Variants in OPCML observed in about 807,000 individuals in gnomAD.
The protein encoded by OPCML is opioid binding protein/cell adhesion molecule like.
A neutral mutation model predicts 37.8 loss-of-function variants in OPCML; 13 were observed. That is an observed-to-expected ratio of 0.34 (90% confidence interval 0.22 to 0.55). The LOEUF (loss-of-function observed/expected upper bound fraction) is 0.55, where lower values mean the gene tolerates loss of function less well. Ranked by LOEUF, OPCML falls within the 20% of genes least tolerant of loss-of-function variation. The pLI is 0.91. For synonymous variants in OPCML, 176 were observed against 168.8 expected (o/e 1.04, Z -0.33); for missense variants, 341 against 435.6 (o/e 0.78, Z 1.93).
At chr11:132,791,092 T>G (rs998529712) in intron 2 of OPCML, among the ~76,000 whole-genome samples, 1 of 152,200 alleles carries the variant, frequency 6.6e-6, no homozygotes, top group Non-Finnish European at 1.5e-5. Flanking sequence ...CACTCTCATC[T>G]GTAGGGAGGA....
intron 2 of OPCML, among the ~76,000 whole-genome samples, chr11:132,858,664 T>C (rs1942166817): frequency 6.6e-6 from 1 of 151,896 alleles, no homozygotes; most frequent in African/African-American, 2.4e-5. Context: ...GCATTAGTCT[T>C]TCTGAGTGTC....
chr11:132,854,445 A>C (rs763901884), intron 2 of OPCML, among the ~76,000 whole-genome samples: 1 of 152,116 alleles, frequency 6.6e-6, no homozygotes, highest in Non-Finnish European at 1.5e-5. Context: ...CCCTCCCTCC[A>C]GGTTGGAGGT....
chr11:132,833,813 A>T (rs1451562813), intron 2 of OPCML, among the ~76,000 whole-genome samples: 2 of 152,226 alleles, frequency 1.3e-5, no homozygotes, highest in African/African-American at 4.8e-5. Context: ...TGACTGAAAC[A>T]TCGTTACGCA....
intron 1 of OPCML, among the ~76,000 whole-genome samples, chr11:133,042,679 G>A (rs1295083338): frequency 1.3e-5 from 2 of 152,150 alleles, no homozygotes; most frequent in Non-Finnish European, 2.9e-5. Context: ...GGCTAGCTCT[G>A]CAGTTACGTT....
At chr11:132,633,503 C>G (rs951661875) in intron 3 of OPCML, among the ~76,000 whole-genome samples, 4 of 152,156 alleles carry the variant, frequency 2.6e-5, no homozygotes, top group African/African-American at 9.7e-5. Flanking sequence ...GCATCCCAAT[C>G]CTGAGCCTCA....
chr11:132,713,200 G>A (rs1260387823), intron 2 of OPCML, among the ~76,000 whole-genome samples: 1 of 152,124 alleles, frequency 6.6e-6, no homozygotes. Flanking sequence ...ATAATGACAC[G>A]ACGCTTCGTA....
intron 1 of OPCML, among the ~76,000 whole-genome samples, chr11:133,070,282 TC>T (rs1295316726): frequency 6.6e-6 from 1 of 152,154 alleles, no homozygotes; most frequent in Non-Finnish European, 1.5e-5. Flanking sequence ...GCAAAGGCTG[TC>T]GTGTCTTTCA....
At chr11:133,451,338 T>C (rs1946576595) in intron 1 of OPCML, among the ~76,000 whole-genome samples, 1 of 151,740 alleles carries the variant, frequency 6.6e-6, no homozygotes. Flanking sequence ...GGGATGATGC[T>C]GGGTAAGTTT....
At chr11:133,035,705 G>A (rs1947766424) in intron 1 of OPCML, among the ~76,000 whole-genome samples, 1 of 152,104 alleles carries the variant, frequency 6.6e-6, no homozygotes, top group Admixed American at 6.5e-5. Context: ...TTTGGAGATG[G>A]ACCTTTAAAG....
At chr11:132,619,174 C>T (rs976489915) in intron 3 of OPCML, among the ~76,000 whole-genome samples, 27 of 152,256 alleles carry the variant, frequency 1.8e-4, no homozygotes, top group Non-Finnish European at 3.2e-4. Context: ...CAGAGCTTCA[C>T]GTTCCTCAAG....
intron 2 of OPCML, among the ~76,000 whole-genome samples, chr11:132,665,969 C>A (rs745876600): frequency 2.0e-5 from 3 of 152,088 alleles, no homozygotes; most frequent in Non-Finnish European, 2.9e-5. Flanking sequence ...TTAGTAAGCA[C>A]CTGCTAAGGA....
chr11:133,514,321 C>T (rs1948218014), intron 1 of OPCML, among the ~76,000 whole-genome samples: 1 of 152,208 alleles, frequency 6.6e-6, no homozygotes, highest in Non-Finnish European at 1.5e-5. Flanking sequence ...TTTGGAGACA[C>T]TGACCTCTGG....
At chr11:132,541,016 A>T (rs1167443728) in intron 3 of OPCML, among the ~76,000 whole-genome samples, 1 of 152,122 alleles carries the variant, frequency 6.6e-6, no homozygotes, top group Non-Finnish European at 1.5e-5. Flanking sequence ...TTAGGATCAC[A>T]GGGTTTAATT....
chr11:132,953,856 T>A (rs1945916841), intron 1 of OPCML, among the ~76,000 whole-genome samples: 1 of 152,188 alleles, frequency 6.6e-6, no homozygotes, highest in East Asian at 1.9e-4. Flanking sequence ...AACATTTTTT[T>A]ATTTAAAGAA....
chr11:132,731,015 T>C (rs1289573007), intron 2 of OPCML, among the ~76,000 whole-genome samples: 1 of 152,228 alleles, frequency 6.6e-6, no homozygotes, highest in East Asian at 1.9e-4. Context: ...GCTTCGTTAT[T>C]ATTGTTGTTT....
chr11:132,902,755 C>G (rs1265888634), intron 2 of OPCML, among the ~76,000 whole-genome samples: 1 of 152,072 alleles, frequency 6.6e-6, no homozygotes, highest in Non-Finnish European at 1.5e-5. Flanking sequence ...AAACTTCTTT[C>G]CACAAGAAAA....
At chr11:133,054,629 G>T (rs1436125350) in intron 1 of OPCML, among the ~76,000 whole-genome samples, 1 of 152,186 alleles carries the variant, frequency 6.6e-6, no homozygotes, top group African/African-American at 2.4e-5. Flanking sequence ...AAATCAACAG[G>T]CAAAGATGAT....
At chr11:133,028,522 AGCGTGT>A (rs1046634654) in intron 1 of OPCML, among the ~76,000 whole-genome samples, 1 of 88,976 alleles carries the variant, frequency 1.1e-5, no homozygotes, top group Non-Finnish European at 2.0e-5. Context: ...TTTGATAAGG[AGCGTGT>A]GTGTGTGTGT....
intron 2 of OPCML, among the ~76,000 whole-genome samples, chr11:132,759,667 G>A (rs1044839520): frequency 6.6e-6 from 1 of 151,724 alleles, no homozygotes; most frequent in Non-Finnish European, 1.5e-5. Context: ...CATTTTTATT[G>A]TCTTTTTGAT....
Sources: allele counts gnomAD v4.1 joint callset (sites outside exome capture counted in the v4.1 genomes callset), GRCh38; gene constraint gnomAD v4.1.1; transcripts MANE v1.5; gene names NCBI Gene and HGNC (gene_info 2026-07-23, HGNC 2026-07-21).